Variants in RPA1 observed in about 807,000 individuals in gnomAD.
RPA1 encodes replication protein A1.
A neutral mutation model predicts 83.0 loss-of-function variants in RPA1; 49 were observed. The observed-to-expected ratio is 0.59, with a 90% confidence interval of 0.47 to 0.75. RPA1 has a LOEUF of 0.75. RPA1 is among the 30% of genes least tolerant of loss of function. RPA1 has a pLI of 0.00. For synonymous variants in RPA1, 279 were observed against 281.8 expected (o/e 0.99, Z 0.10); for missense variants, 693 against 776.1 (o/e 0.89, Z 1.27).
chr17:1,852,714 A>G (rs929272398), intron 4 of RPA1, among the ~76,000 whole-genome samples: 13 of 152,244 alleles, frequency 8.5e-5, no homozygotes, highest in Non-Finnish European at 1.8e-4. Flanking sequence ...TCATTATTAC[A>G]TTTTTTAAAA....
intron 14 of RPA1, 140 bp from the exon 15 acceptor site, chr17:1,891,693 G>A: frequency 1.9e-6 from 1 of 536,434 alleles, no homozygotes; most frequent in Non-Finnish European, 3.2e-6. Context: ...GTGCTGGGAT[G>A]ACAGGCATGA....
intron 2 of RPA1, among the ~76,000 whole-genome samples, chr17:1,843,366 G>A (rs1186222872): frequency 6.6e-6 from 1 of 151,696 alleles, no homozygotes; most frequent in Non-Finnish European, 1.5e-5. Context: ...CGCGCCGTGG[G>A]TCAGCTTGGG....
Position 1,884,289 on chromosome 17 carries a change from AGC to A in RPA1, c.1374+348_1374+349del, listed in dbSNP as rs1913915556. 6.6e-6 allele frequency among the ~76,000 whole-genome samples: 1 copy of A among 152,062 alleles called. No homozygotes were observed. Among genetic ancestry groups the A allele is most frequent in the Admixed American group, 6.5e-5 (1 of 15,276 alleles). On this transcript the variant is annotated intron_variant, in intron 13 of 16. Coordinates refer to ENST00000254719, the MANE Select transcript of RPA1 (RefSeq NM_002945.5). The surrounding 1 kb of genome is among the most constrained non-coding windows in gnomAD (Gnocchi z 4.1). ...TCCTGTGATCCTTCCTGCAAATTTA[AGC>A]GCCCACATATCAAAAAGATGTTTTT...
At chr17:1,859,615 GT>G (rs146611739) in intron 5 of RPA1, among the ~76,000 whole-genome samples, 2 of 151,638 alleles carry the variant, frequency 1.3e-5, no homozygotes, top group African/African-American at 4.8e-5. Context: ...CCACTTTGGC[GT>G]TTTTTTTGTT....
At chr17:1,895,743 GACGATCTTGGCTCA>G (rs1914392102) in intron 16 of RPA1, among the ~76,000 whole-genome samples, 2 of 151,346 alleles carry the variant, frequency 1.3e-5, no homozygotes, top group African/African-American at 2.4e-5. Context: ...AGTGCAGTGG[GACGATCTTGGCTCA>G]CCACAACCTC....
chr17:1,874,012 A>AAAAAAAAAAAAAATATAT (rs1555592994), intron 6 of RPA1, among the ~76,000 whole-genome samples: 1 of 93,866 alleles, frequency 1.1e-5, no homozygotes, highest in African/African-American at 5.1e-5. Context: ...AAAAAAAAAA[A>AAAAAAAAAAAAAATATAT]ATATATATAT....
chr17:1,892,476 A>G (rs1045242632), intron 15 of RPA1, among the ~76,000 whole-genome samples: 2 of 152,246 alleles, frequency 1.3e-5, no homozygotes, highest in Middle Eastern at 3.2e-3. Flanking sequence ...AGTACTTTAA[A>G]ACCAAAGCAC....
At chr17:1,832,839 G>A (rs2151264622) in intron 1 of RPA1, among the ~76,000 whole-genome samples, 1 of 152,308 alleles carries the variant, frequency 6.6e-6, no homozygotes, top group South Asian at 2.1e-4. Context: ...CATAGTAAAT[G>A]CTCAGTGTTT....
chr17:1,882,390 C>T (rs904709134), intron 12 of RPA1, among the ~76,000 whole-genome samples: 1 of 152,104 alleles, frequency 6.6e-6, no homozygotes, highest in Non-Finnish European at 1.5e-5. Context: ...GGCACGGTGG[C>T]TCATACCTTA....
chr17:1,864,319 C>T lies in RPA1; in HGVS notation c.362-8115C>T, dbSNP rs1362539537. On this transcript the variant is annotated intron_variant, in intron 5 of 16. Coordinates refer to ENST00000254719, the MANE Select transcript of RPA1 (RefSeq NM_002945.5). ...TGGGAGGCTGAGGTGGGCGAATCAC[C>T]TGAGGTCAGGAGTTTGAGACCAGCC... Among the ~76,000 whole-genome samples, 5 of 152,122 alleles carry T rather than the reference C, an allele frequency of 3.3e-5. No individual in the cohort carries two copies. The East Asian group carries it at 5.8e-4, about 18-fold the overall frequency.
intron 4 of RPA1, among the ~76,000 whole-genome samples, chr17:1,848,859 C>T (rs1401819308): frequency 2.0e-5 from 3 of 152,050 alleles, no homozygotes; most frequent in Non-Finnish European, 2.9e-5. Context: ...CCACCGCACC[C>T]AGCCTGTTCC....
intron 1 of RPA1, among the ~76,000 whole-genome samples, chr17:1,836,460 G>C (rs375094434): frequency 3.4e-4 from 51 of 152,006 alleles, no homozygotes; most frequent in Admixed American, 1.6e-3. Flanking sequence ...ACAAATGTGC[G>C]CACCCCTGTA....
intron 1 of RPA1, among the ~76,000 whole-genome samples, chr17:1,840,679 G>A (rs1289202788): frequency 6.6e-6 from 1 of 152,190 alleles, no homozygotes; most frequent in Non-Finnish European, 1.5e-5. Flanking sequence ...GAAATGCTGG[G>A]ATTATAGGCA....
chr17:1,880,676 A>G lies in RPA1; in HGVS notation c.1226A>G (p.Tyr409Cys), dbSNP rs1913759107. ...GCGAATCCTGACATCCCAGAGGCCT[A>G]TAAGCTTCGTGGATGGTAGGTTTTG... is the stretch of plus-strand genomic sequence containing the variant. ...IIANPDIPEA[Y>C]KLRGWFDAEG... Residue 409 changes from tyrosine to cysteine, a missense_variant, in exon 12 of 17, where the codon TAT becomes TGT. Physicochemically the swap from Tyr to Cys is radical, Grantham distance 194 (BLOSUM62 -2). Transcript: ENST00000254719. The G allele has an allele frequency of 1.2e-6, 2 of 1,613,566 alleles. No homozygotes were observed. Among genetic ancestry groups the G allele is most frequent in the Non-Finnish European group, 1.7e-6 (2 of 1,179,962 alleles).
chr17:1,857,267 C>CTTTTTTTTTTTTT (rs35514214), intron 5 of RPA1, among the ~76,000 whole-genome samples: 3 of 134,812 alleles, frequency 2.2e-5, no homozygotes, highest in African/African-American at 5.4e-5. Flanking sequence ...TTTTCTTTTT[C>CTTTTTTTTTTTTT]TTTTTTTTTT....
chr17:1,853,121 A>G lies in RPA1; in HGVS notation c.293A>G (p.Glu98Gly), dbSNP rs745684143. The G allele has an allele frequency of 2.5e-6, 4 of 1,613,954 alleles. No homozygotes were observed. The African/African-American group carries it at 5.3e-5, about 22-fold the overall frequency. Reference sequence around the variant, plus strand: ...TGCAGGAGAGTAGTTATCTTGATGGAATTAGAAGTTTTGAAGTCAGCTGAA... The same window carrying G: ...TGCAGGAGAGTAGTTATCTTGATGGGATTAGAAGTTTTGAAGTCAGCTGAA... ...KDGRRVVILMELEVLKSAEAV... is the reference protein window; with the variant it reads ...KDGRRVVILMGLEVLKSAEAV... The change falls in exon 5 of 17, where the codon GAA (glutamate) becomes GGA (glycine). Residue 98 changes from glutamate (E) to glycine (G), a missense_variant. Transcript: ENST00000254719.
intron 13 of RPA1, among the ~76,000 whole-genome samples, chr17:1,885,682 C>T (rs1007852071): frequency 6.6e-6 from 1 of 152,060 alleles, no homozygotes; most frequent in Non-Finnish European, 1.5e-5. Flanking sequence ...CAAGGGATCT[C>T]CCTGCCTCAA....
chr17:1,896,656 G>GTT (rs1914441466), intron 16 of RPA1, among the ~76,000 whole-genome samples: 2 of 152,258 alleles, frequency 1.3e-5, no homozygotes, highest in Non-Finnish European at 2.9e-5. Flanking sequence ...TGCTGCAGGT[G>GTT]CTCTTCCTTT....
At chr17:1,888,033 G>A (rs887100294) in intron 13 of RPA1, among the ~76,000 whole-genome samples, 2 of 152,192 alleles carry the variant, frequency 1.3e-5, no homozygotes, top group Non-Finnish European at 2.9e-5. Flanking sequence ...TCTTCAATCT[G>A]TAAAAAATGC....
Sources: allele counts gnomAD v4.1 joint callset (sites outside exome capture counted in the v4.1 genomes callset), GRCh38; gene constraint gnomAD v4.1.1; non-coding constraint Gnocchi (gnomAD v3.1); transcripts MANE v1.5; gene names NCBI Gene and HGNC (gene_info 2026-07-23, HGNC 2026-07-21).